Variants in STAC observed in about 807,000 individuals in gnomAD.
The protein encoded by STAC is SH3 and cysteine-rich domain-containing protein.
Under a neutral mutation model 48.8 loss-of-function variants are expected in STAC, and 43 were observed. That is an observed-to-expected ratio of 0.88 (90% CI 0.69 to 1.14). The LOEUF (loss-of-function observed/expected upper bound fraction) is 1.14, where lower values mean the gene tolerates loss of function less well. Among genes scored for constraint, STAC ranks in the 50% most tolerant of loss-of-function variants. STAC has a pLI of 0.00. For missense variants in STAC, 497 were observed against 504.0 expected, an observed-to-expected ratio of 0.99 and a Z score of 0.13; for synonymous variants, 193 against 179.5, an observed-to-expected ratio of 1.07 and a Z score of -0.60.
intron 1 of STAC, among the ~76,000 whole-genome samples, chr3:36,430,692 T>C (rs757245253): frequency 6.6e-6 from 1 of 152,178 alleles, no homozygotes; most frequent in Non-Finnish European, 1.5e-5. Flanking sequence ...CTGGGTGGCA[T>C]AAACAACAGA....
intron 1 of STAC, among the ~76,000 whole-genome samples, chr3:36,437,931 G>GTTATTA (rs146079093): frequency 0.047 from 6,588 of 140,508 alleles, 210 homozygotes; most frequent in South Asian, 0.078. Flanking sequence ...TATTCATTGA[G>GTTATTA]TTATTATTAT....
chr3:36,410,635 G>A (rs941085133), intron 1 of STAC, among the ~76,000 whole-genome samples: 48 of 152,252 alleles, frequency 3.2e-4, no homozygotes, highest in African/African-American at 1.1e-3. Flanking sequence ...AAGGATATCC[G>A]TTCTTTTTGC....
intron 2 of STAC, among the ~76,000 whole-genome samples, chr3:36,452,815 AC>A (rs1461905775): frequency 6.6e-6 from 1 of 152,202 alleles, no homozygotes; most frequent in Non-Finnish European, 1.5e-5. Flanking sequence ...AATAGACATT[AC>A]CTAGAAAGTG....
chr3:36,451,386 T>C (rs1052210494), intron 2 of STAC, among the ~76,000 whole-genome samples: 2 of 152,200 alleles, frequency 1.3e-5, no homozygotes, highest in Non-Finnish European at 2.9e-5. Context: ...TATTTCTCCT[T>C]CCTGTTTTTG....
intron 10 of STAC, among the ~76,000 whole-genome samples, chr3:36,544,615 T>C (rs1699403534): frequency 6.6e-6 from 1 of 152,336 alleles, no homozygotes; most frequent in South Asian, 2.1e-4. Context: ...TCTGGTACTA[T>C]GTTGGGCATG....
At chr3:36,517,832 T>C (rs1037579529) in intron 8 of STAC, among the ~76,000 whole-genome samples, 1 of 151,986 alleles carries the variant, frequency 6.6e-6, no homozygotes, top group Non-Finnish European at 1.5e-5. Flanking sequence ...CACTTATACA[T>C]GTAAATAACC....
chr3:36,502,203 T>A (rs1698297370), intron 6 of STAC, among the ~76,000 whole-genome samples: 1 of 152,204 alleles, frequency 6.6e-6, no homozygotes, highest in Non-Finnish European at 1.5e-5. Context: ...CATTAGAAAC[T>A]ATGCCTACAT....
chr3:36,453,171 G>A (rs1373900839), intron 2 of STAC, among the ~76,000 whole-genome samples: 1 of 152,254 alleles, frequency 6.6e-6, no homozygotes, highest in Non-Finnish European at 1.5e-5. Flanking sequence ...TATGAGAGGT[G>A]ACAGCGTGCT....
chr3:36,411,970 A>G (rs975590688), intron 1 of STAC, among the ~76,000 whole-genome samples: 7 of 152,202 alleles, frequency 4.6e-5, no homozygotes, highest in African/African-American at 7.2e-5. Context: ...AGTATAGCAT[A>G]TATGTGCTAT....
At chr3:36,474,255 A>G (rs1053110205) in intron 2 of STAC, among the ~76,000 whole-genome samples, 3 of 152,212 alleles carry the variant, frequency 2.0e-5, no homozygotes, top group Non-Finnish European at 4.4e-5. Flanking sequence ...TTCCAAAGAG[A>G]CAAATGTCCC....
intron 1 of STAC, among the ~76,000 whole-genome samples, chr3:36,419,390 C>A (rs930682457): frequency 6.6e-6 from 1 of 152,164 alleles, no homozygotes; most frequent in Non-Finnish European, 1.5e-5. Flanking sequence ...AAAACCTCTC[C>A]TTCACCCCCT....
rs150432059 is a variant in STAC at position 36,463,030 on chromosome 3, T to G, written c.388+19390T>G. On this transcript the variant is annotated intron_variant, in intron 2 of 10. Transcript: ENST00000273183. ...GGAAAAAAAACCTGACAAGATCATG[T>G]GACTCTTCTTTCTGTACAAGGTGGA... is the stretch of plus-strand genomic sequence containing the variant. Among the ~76,000 whole-genome samples, 9 of 152,324 alleles carry G rather than the reference T, an allele frequency of 5.9e-5. No individual in the cohort carries two copies. In the East Asian group the frequency reaches 1.7e-3, roughly 29 times the overall value.
chr3:36,546,325 C>T lies in STAC; in HGVS notation c.*36C>T. 6.4e-7 allele frequency: 1 copy of T among 1,562,802 alleles called. No individual in the cohort carries two copies. Among genetic ancestry groups the T allele is most frequent in the Non-Finnish European group, 8.8e-7 (1 of 1,133,272 alleles). ...CTCCTCCGTTTGCAGTAGGCAAGCT[C>T]TGCTGCGATGCCTCTGCCTCATCTC... On this transcript the variant is annotated 3_prime_UTR_variant, in exon 11 of 11. Transcript: ENST00000273183.
At chr3:36,530,146 C>T (rs571835962) in intron 10 of STAC, among the ~76,000 whole-genome samples, 1 of 152,222 alleles carries the variant, frequency 6.6e-6, no homozygotes, top group Admixed American at 6.5e-5. Flanking sequence ...AAATTTATTT[C>T]CTCTCCTAAT....
Position 36,386,598 on chromosome 3 carries a change from T to C in STAC, c.111+5844T>C, listed in dbSNP as rs58417095. On this transcript the variant is annotated intron_variant, in intron 1 of 10. Transcript: ENST00000273183. ...TTATTATTTGCCTTTCACAGGTGGA[T>C]TTACAATTCATTTGGAATTGCTTTT... 3.9e-3 allele frequency among the ~76,000 whole-genome samples: 600 copies of C among 152,152 alleles called. 5 individuals carry two copies. The highest frequency in any genetic ancestry group is 0.013 in the African/African-American group (526 of 41,546).
At chr3:36,400,470 A>G (rs570052774) in intron 1 of STAC, among the ~76,000 whole-genome samples, 74 of 152,348 alleles carry the variant, frequency 4.9e-4, no homozygotes, top group Non-Finnish European at 9.8e-4. Context: ...TATTCTCGCA[A>G]TAACACACAC....
intron 10 of STAC, among the ~76,000 whole-genome samples, chr3:36,542,174 C>A (rs1354611983): frequency 2.0e-5 from 3 of 152,154 alleles, no homozygotes; most frequent in African/African-American, 7.2e-5. Flanking sequence ...CCTTATTCCT[C>A]CAATTAAAAC....
intron 10 of STAC, among the ~76,000 whole-genome samples, chr3:36,535,634 G>C (rs1286512319): frequency 6.6e-6 from 1 of 152,132 alleles, no homozygotes; most frequent in African/African-American, 2.4e-5. Context: ...TTATTTTGAG[G>C]TACGTTCCTT....
chr3:36,440,298 T>C (rs557941159), intron 1 of STAC, among the ~76,000 whole-genome samples: 2 of 152,368 alleles, frequency 1.3e-5, no homozygotes, highest in South Asian at 2.1e-4. Flanking sequence ...ACGCAATAGA[T>C]ACCTAATTTA....
Sources: gnomAD v4.1 joint callset for allele counts (sites outside exome capture counted in the v4.1 genomes callset) on GRCh38, gnomAD v4.1.1 for gene constraint, MANE v1.5 for transcripts, NCBI Gene and HGNC (gene_info 2026-07-23, HGNC 2026-07-21) for gene names.